The following DCX variants were observed in gnomAD, a reference collection of about 807,000 sequenced individuals.
DCX encodes the protein neuronal migration protein doublecortin.
DCX carries 4 observed loss-of-function variants against 20.9 expected under a neutral mutation model. The ratio of observed to expected loss-of-function variants is 0.19; its 90% confidence interval spans 0.09 to 0.44. The LOEUF is 0.44. Ranked by LOEUF, DCX falls within the 20% of genes least tolerant of loss-of-function variation. The pLI, the probability that DCX is intolerant of heterozygous loss-of-function variation, is 0.99. For synonymous variants in DCX, 103 were observed against 111.4 expected (o/e 0.92, Z 0.47); for missense variants, 133 against 296.9 (o/e 0.45, Z 4.06).
chrX:111,355,850 C>T, intron 3 of DCX, among the ~76,000 whole-genome samples: 1 of 112,371 alleles, frequency 8.9e-6, no homozygotes, highest in East Asian at 2.8e-4. Flanking sequence ...ATCCTGACTT[C>T]AGCCTCTGAT....
chrX:111,315,321 TGAA>T (rs1569486297), intron 5 of DCX, among the ~76,000 whole-genome samples: 1 of 62,115 alleles, frequency 1.6e-5, no homozygotes, highest in Admixed American at 2.1e-4. Context: ...AAAAAACACA[TGAA>T]GAAATGCTCA....
At chrX:111,379,320 T>C (rs1925784653) in intron 3 of DCX, among the ~76,000 whole-genome samples, 1 of 111,507 alleles carries the variant, frequency 9.0e-6, no homozygotes, top group South Asian at 3.8e-4. Flanking sequence ...TTTTAGAACA[T>C]TCTCATCACC....
chrX:111,355,741 A>T (rs1025998989), intron 3 of DCX, among the ~76,000 whole-genome samples: 6 of 111,928 alleles, frequency 5.4e-5, no homozygotes, highest in African/African-American at 1.9e-4. Flanking sequence ...AGGGAGGGCC[A>T]TCCAAAATGC....
chrX:111,383,400 T>C (rs1371089684), intron 3 of DCX, among the ~76,000 whole-genome samples: 1 of 112,188 alleles, frequency 8.9e-6, no homozygotes, highest in East Asian at 2.8e-4. Flanking sequence ...CTTACTCATT[T>C]GATAATTCAA....
At chrX:111,329,188 T>C (rs1037590266) in intron 5 of DCX, among the ~76,000 whole-genome samples, 10 of 112,260 alleles carry the variant, frequency 8.9e-5, no homozygotes, top group Non-Finnish European at 1.1e-4. Flanking sequence ...TAGGTCTTTG[T>C]AGTTTCAGCA....
intron 6 of DCX, among the ~76,000 whole-genome samples, chrX:111,302,097 A>G (rs940984008): frequency 9.0e-6 from 1 of 111,157 alleles, no homozygotes; most frequent in African/African-American, 3.3e-5. Flanking sequence ...GTGCTACCCC[A>G]TTAGAGCTCC....
At chrX:111,376,934 G>T (rs2147720217) in intron 3 of DCX, among the ~76,000 whole-genome samples, 1 of 112,279 alleles carries the variant, frequency 8.9e-6, no homozygotes, top group African/African-American at 3.2e-5. Flanking sequence ...ATTTCTCATT[G>T]CTTATCTAAA....
Position 111,357,882 on chromosome X carries a change from C to A in DCX, c.706-24729G>T, listed in dbSNP as rs1450775202. On this transcript the variant is annotated intron_variant, in intron 3 of 6. Transcript: ENST00000636035. Reference sequence around the variant, plus strand: ...TCACTCTGTCAGCCAGGCTGGAGTGCAGTGATGTGATCTTGGCTCACTGCA... The same window carrying A: ...TCACTCTGTCAGCCAGGCTGGAGTGAAGTGATGTGATCTTGGCTCACTGCA... Among the ~76,000 whole-genome samples the A allele has an allele frequency of 1.1e-4, 12 of 111,222 alleles. No homozygotes were observed. In the Admixed American group the frequency reaches 1.1e-3, roughly 10 times the overall value.
chrX:111,368,901 TACACACAC>T (rs200777698), intron 3 of DCX, among the ~76,000 whole-genome samples: 4 of 98,263 alleles, frequency 4.1e-5, no homozygotes, highest in Non-Finnish European at 6.2e-5. Flanking sequence ...TATATATACA[TACACACAC>T]ACACACACAC....
intron 3 of DCX, among the ~76,000 whole-genome samples, chrX:111,345,361 A>C (rs1211279227): frequency 8.9e-6 from 1 of 112,182 alleles, no homozygotes; most frequent in African/African-American, 3.2e-5. Context: ...AAACGTCAAA[A>C]GCAATTGCAA....
At chrX:111,373,771 C>A (rs181914195) in intron 3 of DCX, among the ~76,000 whole-genome samples, 2,286 of 111,560 alleles carry the variant, frequency 0.02, 35 homozygotes, top group Non-Finnish European at 0.033. Context: ...TACTTTACAA[C>A]AGCCATATCT....
Position 111,368,349 on chromosome X carries a change from T to G in DCX, c.705+32641A>C, listed in dbSNP as rs766574703. ...CTGCACTTCAATGAAAAAAGTCCAA[T>G]TTTCTCAGACCTCAGGTCCTGTACT... On this transcript the variant is annotated intron_variant, in intron 3 of 6. Transcript: ENST00000636035. 2.3e-3 allele frequency among the ~76,000 whole-genome samples: 262 copies of G among 111,723 alleles called. 1 individual carries two copies. The highest frequency in any genetic ancestry group is 8.0e-3 in the African/African-American group (245 of 30,775).
chrX:111,320,841 TCA>T lies in DCX; in HGVS notation c.947-8107_947-8106del, dbSNP rs969600224. Among the ~76,000 whole-genome samples the T allele has an allele frequency of 3.8e-3, 389 of 103,478 alleles. 3 individuals are homozygous for T. Among genetic ancestry groups the T allele is most frequent in the African/African-American group, 0.013 (356 of 27,178 alleles). The allele number at this position is 103,478 out of a possible 115,157, so 89.9% of individuals were successfully genotyped here. ...CTCTTTCTTTCTCTCTCTCTCTCTC[TCA>T]CACACACACACACACACACATGCAC... On this transcript the variant is annotated intron_variant, in intron 5 of 6. Coordinates refer to ENST00000636035, the MANE Select transcript of DCX (RefSeq NM_001195553.2).
In DCX at chrX:111,295,548, T is replaced by A. The variant is rs1283855345; in HGVS notation, c.*6139A>T. Reference sequence around the variant, plus strand: ...TAATGGTAAAACTTTAAGCAATTACTCCCCCACCCCCATCCAGCCAAAACA... The same window carrying A: ...TAATGGTAAAACTTTAAGCAATTACACCCCCACCCCCATCCAGCCAAAACA... On this transcript the variant is annotated 3_prime_UTR_variant, in exon 7 of 7. Transcript: ENST00000636035. 3 of 111,811 alleles carry A rather than the reference T, an allele frequency of 2.7e-5. No individual in the cohort carries two copies. The highest frequency in any genetic ancestry group is 5.6e-5 in the Non-Finnish European group (3 of 53,105). 9.2% of individuals were successfully genotyped at this position (111,811 alleles called of 1,213,427 possible). A position where few individuals can be genotyped will look rare whatever the true frequency, so the allele number is the denominator to read the frequency against.
At chrX:111,326,118 C>T (rs190896203) in intron 5 of DCX, among the ~76,000 whole-genome samples, 2 of 111,410 alleles carry the variant, frequency 1.8e-5, no homozygotes, top group South Asian at 3.8e-4. Context: ...AATTTGGGAA[C>T]GGAAAAGATC....
At chrX:111,389,379 C>T (rs1569496185) in intron 3 of DCX, among the ~76,000 whole-genome samples, 1 of 111,193 alleles carries the variant, frequency 9.0e-6, no homozygotes, top group Non-Finnish European at 1.9e-5. Flanking sequence ...TGGACAATTT[C>T]TCACATGCAC....
At chrX:111,331,112 C>T (rs1921192645) in intron 4 of DCX, 71 bp from the exon 5 acceptor site, 10 of 1,134,459 alleles carry the variant, frequency 8.8e-6, no homozygotes, top group Non-Finnish European at 7.2e-6. Flanking sequence ...CCTCTGGAAA[C>T]CGCAATAACC....
At position 111,395,643 on chromosome X, in the gene DCX, T is replaced by C. The variant is rs754222076; in HGVS notation, c.705+5347A>G. Among the ~76,000 whole-genome samples, 12 of 112,300 alleles carry C rather than the reference T, an allele frequency of 1.1e-4. No individual in the cohort carries two copies. In the South Asian group the frequency reaches 4.5e-3, roughly 42 times the overall value. ...TTCACCTTTGTTCTATTTCACTTCA[T>C]GCTCAAGCCAATCCTCCCAAAGCCT... is the stretch of plus-strand genomic sequence containing the variant. On this transcript the variant is annotated intron_variant, in intron 3 of 6. Coordinates refer to ENST00000636035, the MANE Select transcript of DCX (RefSeq NM_001195553.2).
intron 3 of DCX, among the ~76,000 whole-genome samples, chrX:111,384,873 G>A (rs1406934705): frequency 8.9e-6 from 1 of 112,552 alleles, no homozygotes; most frequent in Non-Finnish European, 1.9e-5. Context: ...GAAGTGCACA[G>A]AATGTTTGCA....
Sources: gnomAD v4.1 joint callset for allele counts (sites outside exome capture counted in the v4.1 genomes callset) on GRCh38, gnomAD v4.1.1 for gene constraint, MANE v1.5 for transcripts, NCBI Gene and HGNC (gene_info 2026-07-23, HGNC 2026-07-21) for gene names.